The following ROCK2 variants were observed in gnomAD, a reference collection of about 807,000 sequenced individuals.
The protein encoded by ROCK2 is Rho associated coiled-coil containing protein kinase 2.
A neutral mutation model predicts 195.1 loss-of-function variants in ROCK2; 61 were observed. The ratio of observed to expected loss-of-function variants is 0.31; its 90% CI spans 0.25 to 0.39. ROCK2 has a LOEUF of 0.39. Among genes scored for constraint, ROCK2 ranks in the 10% least tolerant of loss-of-function variants. The pLI is 1.00. For synonymous variants in ROCK2, 504 were observed against 545.5 expected (o/e 0.92, Z 1.06); for missense variants, 1,109 against 1,637.4 (o/e 0.68, Z 5.57).
intron 1 of ROCK2, among the ~76,000 whole-genome samples, chr2:11,326,061 T>C (rs1351817591): frequency 6.6e-6 from 1 of 152,176 alleles, no homozygotes; most frequent in East Asian, 1.9e-4. Flanking sequence ...GTTGTAGATA[T>C]GTTATCATTA....
Position 11,180,962 on chromosome 2 carries a change from G to A in ROCK2, c.*2475C>T, listed in dbSNP as rs938847632. 1 of 151,878 alleles carries A rather than the reference G, an allele frequency of 6.6e-6. No individual in the cohort carries two copies. The highest frequency in any genetic ancestry group is 2.4e-5 in the African/African-American group (1 of 41,360). 9.4% of individuals were successfully genotyped at this position (151,878 alleles called of 1,614,324 possible). A position where few individuals can be genotyped will look rare whatever the true frequency, so the allele number is the denominator to read the frequency against. ...CTTATGTCAAACCATATAATGTGAA[G>A]AATCTCCATGGGAGAGATTTTTTTT... On this transcript the variant is annotated 3_prime_UTR_variant, in exon 33 of 33. Coordinates refer to ENST00000315872, the MANE Select transcript of ROCK2 (RefSeq NM_004850.5).
intron 9 of ROCK2, among the ~76,000 whole-genome samples, chr2:11,220,528 T>G (rs1332151939): frequency 6.6e-6 from 1 of 152,210 alleles, no homozygotes; most frequent in Non-Finnish European, 1.5e-5. Context: ...TCAGACTTTC[T>G]GCTAGATGCA....
intron 3 of ROCK2, among the ~76,000 whole-genome samples, chr2:11,267,410 G>A (rs1030930164): frequency 1.3e-5 from 2 of 151,830 alleles, no homozygotes; most frequent in Admixed American, 6.6e-5. Context: ...CCTATCTTTA[G>A]GCTCTTCTAT....
intron 3 of ROCK2, among the ~76,000 whole-genome samples, chr2:11,269,202 T>C (rs767020952): frequency 4.2e-4 from 64 of 152,338 alleles, no homozygotes; most frequent in Non-Finnish European, 6.9e-4. Context: ...GAGCATCTTT[T>C]GGATAGCTGT....
At chr2:11,273,094 C>CAAAAA (rs34784074) in intron 3 of ROCK2, among the ~76,000 whole-genome samples, 5 of 21,752 alleles carry the variant, frequency 2.3e-4, no homozygotes, top group African/African-American at 6.1e-4. Context: ...AAATAAGGGT[C>CAAAAA]AAAAAAAAAA....
At chr2:11,270,466 C>G (rs1171530074) in intron 3 of ROCK2, among the ~76,000 whole-genome samples, 1 of 151,900 alleles carries the variant, frequency 6.6e-6, no homozygotes, top group Admixed American at 6.6e-5. Context: ...TTTTCTTCTT[C>G]TTGTATTCCC....
At chr2:11,230,208 A>T (rs1405459183) in intron 5 of ROCK2, among the ~76,000 whole-genome samples, 2 of 152,194 alleles carry the variant, frequency 1.3e-5, no homozygotes, top group Non-Finnish European at 2.9e-5. Context: ...TCTTTAATAA[A>T]AAGAATCAGA....
At chr2:11,230,654 C>T (rs551387713) in intron 5 of ROCK2, among the ~76,000 whole-genome samples, 67 of 152,144 alleles carry the variant, frequency 4.4e-4, no homozygotes, top group African/African-American at 1.5e-3. Context: ...GCCAGATAAT[C>T]AAGTATGCAT....
chr2:11,206,457 G>GA (rs899117929), intron 20 of ROCK2, among the ~76,000 whole-genome samples: 8 of 151,534 alleles, frequency 5.3e-5, no homozygotes, highest in African/African-American at 1.2e-4. Flanking sequence ...CTAATATACA[G>GA]AAAAAAAACC....
chr2:11,335,108 TACACACACACACACACACACAC>T (rs59721285), intron 1 of ROCK2, among the ~76,000 whole-genome samples: 1 of 145,028 alleles, frequency 6.9e-6, no homozygotes, highest in Non-Finnish European at 1.5e-5. Flanking sequence ...CTTTGACTGA[TACACACACACACACACACACAC>T]ACACACACAC....
chr2:11,288,932 T>C (rs186712525), intron 1 of ROCK2, among the ~76,000 whole-genome samples: 1 of 152,148 alleles, frequency 6.6e-6, no homozygotes, highest in African/African-American at 2.4e-5. Flanking sequence ...TTTAGAAAGG[T>C]AATTAATCTA....
chr2:11,291,464 C>T (rs1018249760), intron 1 of ROCK2, among the ~76,000 whole-genome samples: 2 of 152,152 alleles, frequency 1.3e-5, no homozygotes, highest in Non-Finnish European at 1.5e-5. Context: ...ACAGGAGAAT[C>T]GCTTGAACCC....
chr2:11,238,808 C>A (rs150045485), intron 4 of ROCK2, among the ~76,000 whole-genome samples: 3 of 152,144 alleles, frequency 2.0e-5, no homozygotes, highest in African/African-American at 2.4e-5. Context: ...AATTGCACCA[C>A]TGTACTCCAG....
At chr2:11,310,884 T>C (rs981808637) in intron 1 of ROCK2, among the ~76,000 whole-genome samples, 1 of 152,008 alleles carries the variant, frequency 6.6e-6, no homozygotes, top group African/African-American at 2.4e-5. Flanking sequence ...ACTCTTATTC[T>C]TGTAATAAAG....
At chr2:11,315,748 A>G (rs1265551944) in intron 1 of ROCK2, among the ~76,000 whole-genome samples, 1 of 152,178 alleles carries the variant, frequency 6.6e-6, no homozygotes, top group Non-Finnish European at 1.5e-5. Flanking sequence ...CAGGGATTAA[A>G]GATTTCACTT....
intron 1 of ROCK2, among the ~76,000 whole-genome samples, chr2:11,325,201 G>A (rs563349751): frequency 2.6e-5 from 4 of 152,248 alleles, no homozygotes; most frequent in South Asian, 2.1e-4. Flanking sequence ...CTCCTTATCC[G>A]TGAGTTGCAC....
chr2:11,343,013 C>A (rs1264655535), intron 1 of ROCK2, among the ~76,000 whole-genome samples: 1 of 152,210 alleles, frequency 6.6e-6, no homozygotes, highest in Admixed American at 6.5e-5. Context: ...GGGAATAGAA[C>A]TAAACATCTG....
At chr2:11,234,754 G>A (rs977279404) in intron 5 of ROCK2, 2 of 152,112 alleles carry the variant, frequency 1.3e-5, no homozygotes, top group African/African-American at 4.8e-5. Flanking sequence ...AGGATTATCA[G>A]AAGGAACCTT....
chr2:11,190,431 A>G (rs1663378998), intron 32 of ROCK2, among the ~76,000 whole-genome samples: 1 of 152,056 alleles, frequency 6.6e-6, no homozygotes, highest in South Asian at 2.1e-4. Flanking sequence ...CATAATGCTG[A>G]TTTGGACTGG....
Sources: gnomAD v4.1 joint callset for allele counts (sites outside exome capture counted in the v4.1 genomes callset) on GRCh38, gnomAD v4.1.1 for gene constraint, MANE v1.5 for transcripts, NCBI Gene and HGNC (gene_info 2026-07-23, HGNC 2026-07-21) for gene names.